Variants in HIP1R observed in about 807,000 individuals in gnomAD.
HIP1R encodes huntingtin-interacting protein 1-related protein.
Under a neutral mutation model 144.2 loss-of-function variants are expected in HIP1R, and 135 were observed. The observed-to-expected ratio is 0.94, with a 90% CI of 0.81 to 1.08. The LOEUF (loss-of-function observed/expected upper bound fraction) is 1.08, where lower values mean the gene tolerates loss of function less well. HIP1R is among the 50% of genes least tolerant of loss of function. HIP1R has a pLI of 0.00. For synonymous variants in HIP1R, 698 were observed against 612.8 expected, an observed-to-expected ratio of 1.14 and a Z score of -2.05; for missense variants, 1,462 against 1,432.8, an observed-to-expected ratio of 1.02 and a Z score of -0.33.
Position 122,861,470 on chromosome 12 carries a change from C to A in HIP1R, c.3115C>A (p.Pro1039Thr), listed in dbSNP as rs753226037. The A allele has an allele frequency of 1.9e-6, 3 of 1,613,352 alleles. No homozygotes were observed. The highest frequency in any genetic ancestry group is 2.5e-6 in the Non-Finnish European group (3 of 1,179,890). ...CCGAAGTGTAACCACCAAGAAACCACCCCTGGCCCAGAAGCCCAGCGTGGC... is the reference window on the plus strand; with the variant it reads ...CCGAAGTGTAACCACCAAGAAACCAACCCTGGCCCAGAAGCCCAGCGTGGC... The part of the protein sequence containing the change: ...APRSVTTKKP[P>T]LAQKPSVAPR... Residue 1039 changes from proline (P) to threonine (T), a missense_variant, in exon 31 of 32, where the codon CCC (proline) becomes ACC (threonine). By Grantham distance (38) the Pro-to-Thr change is conservative. Transcript: ENST00000253083.
chr12:122,856,161 A>C lies in HIP1R; in HGVS notation c.1310A>C (p.Glu437Ala). The C allele has an allele frequency of 6.2e-7, 1 of 1,604,586 alleles. No individual in the cohort carries two copies. Among genetic ancestry groups the C allele is most frequent in the Non-Finnish European group, 8.5e-7 (1 of 1,176,004 alleles). The change falls in exon 14 of 32, where the codon GAG (glutamate) becomes GCG (alanine). Residue 437 changes from glutamate to alanine, a missense_variant and splice_region_variant. Physicochemically the swap from Glu to Ala is moderately radical, Grantham distance 107 (BLOSUM62 -1). Transcript: ENST00000253083. ...ERSQGLREEA[E>A]RKASATEARY... ...AGCCAGGGCCTGCGTGAGGAGGCTG[A>C]GAGTACGTGGGGCCTTGGCCACAGG...
intron 2 of HIP1R, 66 bp downstream of exon 2, chr12:122,848,160 G>A (rs2135646330): frequency 2.0e-6 from 3 of 1,526,190 alleles, no homozygotes; most frequent in African/African-American, 2.7e-5. Flanking sequence ...AGTGCTGCAG[G>A]TGGCCTGCGG....
chr12:122,847,339 G>A (rs2033239430), intron 1 of HIP1R, among the ~76,000 whole-genome samples: 1 of 152,216 alleles, frequency 6.6e-6, no homozygotes. Context: ...AGGTGGAGCG[G>A]GAGGGATGCT....
chr12:122,851,436 A>G (rs2033391662), intron 7 of HIP1R, 139 bp downstream of exon 7: 2 of 630,282 alleles, frequency 3.2e-6, no homozygotes, highest in East Asian at 3.5e-5. Context: ...AGTGGCTCAC[A>G]TCTGTAATCC....
intron 18 of HIP1R, chr12:122,857,595 T>C (rs771587232): frequency 2.0e-5 from 8 of 405,640 alleles, no homozygotes; most frequent in Non-Finnish European, 3.3e-5. Context: ...AGATAGCTGA[T>C]GTGTGTGGAA....
In HIP1R at chr12:122,836,682, A is replaced by G. The variant is rs942846793; in HGVS notation, c.93+1039A>G. Among the ~76,000 whole-genome samples the G allele has an allele frequency of 6.6e-6, 1 of 152,180 alleles. No homozygotes were observed. ...GACCCCTCCCACTCCTGTCTAAAGCAGGTTGGTGACATTTGCGTTTGTGGC... is the reference window on the plus strand; with the variant it reads ...GACCCCTCCCACTCCTGTCTAAAGCGGGTTGGTGACATTTGCGTTTGTGGC... On this transcript the variant is annotated intron_variant, in intron 1 of 31. Coordinates refer to ENST00000253083, the MANE Select transcript of HIP1R (RefSeq NM_003959.3). The surrounding 1 kb of genome is among the most constrained non-coding windows in gnomAD (Gnocchi z 4.1).
chr12:122,861,567 C>T (rs1566116966), intron 31 of HIP1R, 53 bp downstream of exon 31: 1 of 1,574,202 alleles, frequency 6.4e-7, no homozygotes, highest in Non-Finnish European at 8.7e-7. Context: ...CTGTCCCCAG[C>T]CCTAGAGGGG....
At chr12:122,844,798 G>T (rs1367671756) in intron 1 of HIP1R, among the ~76,000 whole-genome samples, 2 of 152,200 alleles carry the variant, frequency 1.3e-5, no homozygotes, top group African/African-American at 2.4e-5. Flanking sequence ...AGGCTGCGCT[G>T]CCCTGAAGGG....
In HIP1R at chr12:122,855,292, GCCCT is replaced by G. The variant is rs759587881; in HGVS notation, c.881_884del (p.Ala294GlyfsTer10). 6.2e-7 allele frequency: 1 copy of G among 1,612,776 alleles called. No individual in the cohort carries two copies. The highest frequency in any genetic ancestry group is 2.2e-5 in the East Asian group (1 of 44,864). On this transcript the variant is annotated frameshift_variant, in exon 11 of 32. Transcript: ENST00000253083. LOFTEE classifies it high-confidence loss of function. ...ACCCCCTAACTTCCTGCGGGCCTCA[GCCCT>G]GGCTGAGCACATCAAGCCGGTGGTG...
At chr12:122,860,244 A>C (rs2033728114) in intron 26 of HIP1R, 34 bp downstream of exon 26, 1 of 1,538,650 alleles carries the variant, frequency 6.5e-7, no homozygotes, top group Non-Finnish European at 8.7e-7. Context: ...CACAGTCCAC[A>C]AGGAGCCTGA....
rs2032908176 is a variant in HIP1R, at chr12:122,836,806, C to T, written c.93+1163C>T. Among the ~76,000 whole-genome samples, 1 of 152,126 alleles carries T rather than the reference C, an allele frequency of 6.6e-6. No homozygotes were observed. Among genetic ancestry groups the T allele is most frequent in the Non-Finnish European group, 1.5e-5 (1 of 68,028 alleles). ...AGCACACGCACTCTACAACAGCTTT[C>T]GTTTTGAAATGAGAGAGAACGCAGG... On this transcript the variant is annotated intron_variant, in intron 1 of 31. Transcript: ENST00000253083. This position sits in a 1 kb window ranked among gnomAD's most constrained non-coding sequence, Gnocchi z 4.1.
At chr12:122,835,771 G>A in intron 1 of HIP1R, 128 bp downstream of exon 1, 3 of 481,864 alleles carry the variant, frequency 6.2e-6, no homozygotes, top group African/African-American at 2.1e-5. Context: ...CGGCGCGGGG[G>A]CAGGGCCTGT....
intron 1 of HIP1R, among the ~76,000 whole-genome samples, chr12:122,844,212 C>T (rs1003790726): frequency 2.0e-5 from 3 of 152,150 alleles, no homozygotes; most frequent in African/African-American, 4.8e-5. Flanking sequence ...TATCATGGCT[C>T]ACTGCAGCCT....
chr12:122,845,072 C>T lies in HIP1R; in HGVS notation c.94-2959C>T, dbSNP rs371418207. Among the ~76,000 whole-genome samples, 30 of 152,356 alleles carry T rather than the reference C, an allele frequency of 2.0e-4. 1 individual carries two copies. In the South Asian group the frequency reaches 4.3e-3, roughly 22 times the overall value. Reference sequence around the variant, plus strand: ...GTATTGCTGGCAGTTGGACCTGCCTCGGGACTGTAAGCCTCAGAGCGGAGC... The same window carrying T: ...GTATTGCTGGCAGTTGGACCTGCCTTGGGACTGTAAGCCTCAGAGCGGAGC... On this transcript the variant is annotated intron_variant, in intron 1 of 31. Transcript: ENST00000253083.
Position 122,860,936 on chromosome 12 carries a change from C to A in HIP1R, c.2787C>A (p.Ser929Arg), listed in dbSNP as rs780046845. The A allele has an allele frequency of 3.7e-6, 6 of 1,612,378 alleles. No homozygotes were observed. Among genetic ancestry groups the A allele is most frequent in the Non-Finnish European group, 5.1e-6 (6 of 1,179,382 alleles). ...CTCAGGTGAAGGCCAACAAGCACAG[C>A]CCCCACCTGAGCCGCCTGCAGGAAT... ...AASKVKANKH[S>R]PHLSRLQECS... The change falls in exon 29 of 32, where the codon AGC becomes AGA. Residue 929 changes from serine to arginine, a missense_variant. Ser to Arg is a moderately radical substitution (Grantham distance 110). This residue lies in a region of HIP1R where 1,112 missense variants were observed against 1,011.7 expected (regional missense o/e 1.10). Coordinates refer to ENST00000253083, the MANE Select transcript of HIP1R (RefSeq NM_003959.3).
chr12:122,848,764 A>C (rs758921640), intron 3 of HIP1R, 32 bp from the exon 4 acceptor site: 1 of 1,611,708 alleles, frequency 6.2e-7, no homozygotes, highest in Non-Finnish European at 8.5e-7. Context: ...GGTCCTGGAC[A>C]CTCCCCCACT....
At chr12:122,850,443 G>T in intron 5 of HIP1R, 1 of 275,080 alleles carries the variant, frequency 3.6e-6, no homozygotes, top group South Asian at 2.3e-5. Flanking sequence ...TGGCTGCTGG[G>T]TGGGGGGGCC....
intron 7 of HIP1R, among the ~76,000 whole-genome samples, chr12:122,851,824 C>A (rs1032971609): frequency 2.6e-5 from 4 of 152,248 alleles, no homozygotes; most frequent in Non-Finnish European, 5.9e-5. Context: ...TCAGCCATCT[C>A]TTCCATCCAG....
rs1325920580 is a variant in HIP1R, at chr12:122,849,748, AG to A, written c.358-125del. 4.7e-6 allele frequency: 3 copies of A among 641,566 alleles called. No individual in the cohort carries two copies. In the African/African-American group the frequency reaches 5.5e-5, roughly 12 times the overall value. The allele number at this position is 641,566 out of a possible 1,614,324, so 39.7% of individuals were successfully genotyped here. ...TAGAGACAGAGAGGGTGGTTGGTGG[AG>A]GCCAGGAGAAGACGTTTGTTGAATG... On this transcript the variant is annotated intron_variant, in intron 4 of 31. Coordinates refer to ENST00000253083, the MANE Select transcript of HIP1R (RefSeq NM_003959.3).
Sources: gnomAD v4.1 joint callset for allele counts (sites outside exome capture counted in the v4.1 genomes callset) on GRCh38, gnomAD v4.1.1 for gene constraint, gnomAD v4.1.1 regional missense constraint, Gnocchi (gnomAD v3.1) non-coding constraint, MANE v1.5 for transcripts, NCBI Gene and HGNC (gene_info 2026-07-23, HGNC 2026-07-21) for gene names.